Variants in EPHA6 observed in about 807,000 individuals in gnomAD.
EPHA6 encodes the protein EPH receptor A6.
A neutral mutation model predicts 112.0 loss-of-function variants in EPHA6; 50 were observed. The observed-to-expected ratio is 0.45, with a 90% confidence interval of 0.36 to 0.56. The LOEUF (loss-of-function observed/expected upper bound fraction) is 0.56. Ranked by LOEUF, EPHA6 falls within the 20% of genes least tolerant of loss-of-function variation. EPHA6 has a pLI of 0.00. For synonymous variants in EPHA6, 529 were observed against 490.7 expected, an observed-to-expected ratio of 1.08 and a Z score of -1.03; for missense variants, 1,280 against 1,417.4, an observed-to-expected ratio of 0.90 and a Z score of 1.56.
intron 11 of EPHA6, among the ~76,000 whole-genome samples, chr3:97,543,814 C>A (rs200223490): frequency 0.049 from 7,489 of 152,026 alleles, 253 homozygotes; most frequent in Middle Eastern, 0.071. Context: ...CCTTCACATC[C>A]CTTGTGAGTT....
chr3:96,992,302 A>C (rs2043246732), intron 3 of EPHA6, among the ~76,000 whole-genome samples: 1 of 152,144 alleles, frequency 6.6e-6, no homozygotes, highest in African/African-American at 2.4e-5. Flanking sequence ...GCTATTCTTC[A>C]GCTTCTACCA....
intron 14 of EPHA6, among the ~76,000 whole-genome samples, chr3:97,677,970 C>A (rs1018897052): frequency 1.3e-5 from 2 of 151,976 alleles, no homozygotes; most frequent in Non-Finnish European, 2.9e-5. Flanking sequence ...ACATTCAGGA[C>A]AAGATGAAGG....
chr3:96,864,540 G>T (rs1235312763), intron 1 of EPHA6, among the ~76,000 whole-genome samples: 1 of 152,052 alleles, frequency 6.6e-6, no homozygotes, highest in East Asian at 1.9e-4. Flanking sequence ...AGAGGATGGG[G>T]TAGGAAAGGG....
At chr3:97,533,159 T>C (rs1420289916) in intron 11 of EPHA6, among the ~76,000 whole-genome samples, 1 of 152,000 alleles carries the variant, frequency 6.6e-6, no homozygotes, top group Non-Finnish European at 1.5e-5. Context: ...ATATATTCAC[T>C]TTCATTTGAA....
In EPHA6 at chr3:97,008,942, G is replaced by A. The variant is rs76475691; in HGVS notation, c.1114+20949G>A. Among the ~76,000 whole-genome samples the A allele has an allele frequency of 7.8e-4, 118 of 151,976 alleles. 1 individual carries two copies. In the East Asian group the frequency reaches 0.019, roughly 24 times the overall value. ...ACTTCATGCCTTATTCATCTGATTC[G>A]CCCCCCTGCCTGGAGATACCATTCA... On this transcript the variant is annotated intron_variant, in intron 3 of 17. Transcript: ENST00000389672.
chr3:97,312,263 C>T (rs1268625524), intron 5 of EPHA6, among the ~76,000 whole-genome samples: 3 of 151,376 alleles, frequency 2.0e-5, no homozygotes, highest in Admixed American at 6.6e-5. Flanking sequence ...AATTTTATGC[C>T]TTATTATTTT....
chr3:97,298,945 T>C (rs1385063117), intron 5 of EPHA6, among the ~76,000 whole-genome samples: 2 of 152,192 alleles, frequency 1.3e-5, no homozygotes, highest in East Asian at 3.8e-4. Context: ...TATCAAATTC[T>C]TCTTTAACTT....
At chr3:97,712,703 A>G (rs1337430895) in intron 14 of EPHA6, among the ~76,000 whole-genome samples, 1 of 152,326 alleles carries the variant, frequency 6.6e-6, no homozygotes, top group African/African-American at 2.4e-5. Context: ...ATGGCAATGA[A>G]TTATTTTCAG....
chr3:96,854,850 A>T (rs1482348456), intron 1 of EPHA6, among the ~76,000 whole-genome samples: 2 of 152,168 alleles, frequency 1.3e-5, no homozygotes, highest in African/African-American at 4.8e-5. Context: ...AAGGTGATTT[A>T]AAAACCTTAC....
intron 3 of EPHA6, among the ~76,000 whole-genome samples, chr3:97,110,087 C>CA (rs1464697668): frequency 2.6e-5 from 4 of 151,984 alleles, no homozygotes; most frequent in African/African-American, 9.7e-5. Context: ...ATTAACTTTT[C>CA]AAAAAAATCT....
At chr3:97,441,571 A>G (rs1052279649) in intron 6 of EPHA6, 3 of 311,278 alleles carry the variant, frequency 9.6e-6, no homozygotes, top group Admixed American at 6.5e-5. Context: ...ACTTTGCAAT[A>G]TTATGCTAAA....
intron 1 of EPHA6, among the ~76,000 whole-genome samples, chr3:96,837,931 G>A (rs1036762201): frequency 2.0e-5 from 3 of 151,898 alleles, no homozygotes; most frequent in Non-Finnish European, 4.4e-5. Flanking sequence ...TTGTTACACA[G>A]GTAAACATGT....
At chr3:97,321,149 C>T (rs770462004) in intron 5 of EPHA6, among the ~76,000 whole-genome samples, 2 of 151,834 alleles carry the variant, frequency 1.3e-5, no homozygotes, top group Non-Finnish European at 2.9e-5. Flanking sequence ...TGGTTTACTA[C>T]TTATCTATTT....
At chr3:97,723,102 G>A (rs973143970) in intron 15 of EPHA6, among the ~76,000 whole-genome samples, 6 of 152,176 alleles carry the variant, frequency 3.9e-5, no homozygotes, top group Non-Finnish European at 5.9e-5. Flanking sequence ...AATAAGGAAT[G>A]ATTCATAATA....
At chr3:96,882,927 C>T (rs1314962029) in intron 2 of EPHA6, among the ~76,000 whole-genome samples, 3 of 152,086 alleles carry the variant, frequency 2.0e-5, no homozygotes, top group South Asian at 4.1e-4. Context: ...GACTTATTTT[C>T]CTCTGGGTAG....
chr3:97,334,478 CTTTTTTTTTTTTT>C (rs1354125066), intron 5 of EPHA6, among the ~76,000 whole-genome samples: 10 of 128,066 alleles, frequency 7.8e-5, no homozygotes, highest in Non-Finnish European at 1.7e-4. Flanking sequence ...TTTTTTTCTT[CTTTTTTTTTTTTT>C]TTTGATGAGA....
chr3:97,501,311 A>T (rs1402180832), intron 10 of EPHA6, among the ~76,000 whole-genome samples: 1 of 152,156 alleles, frequency 6.6e-6, no homozygotes, highest in East Asian at 1.9e-4. Context: ...GATACAATTT[A>T]AAAATTCTAT....
intron 3 of EPHA6, among the ~76,000 whole-genome samples, chr3:97,123,622 A>G (rs2048103853): frequency 6.6e-6 from 1 of 152,142 alleles, no homozygotes; most frequent in Non-Finnish European, 1.5e-5. Context: ...GAAAATAGTC[A>G]TCAAAGAGAA....
At chr3:97,367,870 TA>T (rs910312126) in intron 5 of EPHA6, among the ~76,000 whole-genome samples, 6 of 152,198 alleles carry the variant, frequency 3.9e-5, no homozygotes, top group African/African-American at 1.2e-4. Flanking sequence ...CATATTGTCC[TA>T]AAAAAAGTCA....
Sources: gnomAD v4.1 joint callset for allele counts (sites outside exome capture counted in the v4.1 genomes callset) on GRCh38, gnomAD v4.1.1 for gene constraint, MANE v1.5 for transcripts, NCBI Gene and HGNC (gene_info 2026-07-23, HGNC 2026-07-21) for gene names.